The following PTH2R variants were observed in gnomAD, a reference collection of about 807,000 sequenced individuals.
PTH2R encodes parathyroid hormone 2 receptor.
A neutral mutation model predicts 60.3 loss-of-function variants in PTH2R; 59 were observed. The observed-to-expected ratio is 0.98, with a 90% CI of 0.79 to 1.22. The LOEUF (loss-of-function observed/expected upper bound fraction) is 1.22, where lower values mean the gene tolerates loss of function less well. Among genes scored for constraint, PTH2R ranks in the 50% most tolerant of loss-of-function variants. PTH2R has a pLI of 0.00. For missense variants in PTH2R, 749 were observed against 682.6 expected (o/e 1.10, Z -1.08); for synonymous variants, 256 against 243.8 (o/e 1.05, Z -0.47).
At chr2:208,419,682 T>C (rs1203103320) in intron 1 of PTH2R, among the ~76,000 whole-genome samples, 4 of 152,224 alleles carry the variant, frequency 2.6e-5, no homozygotes, top group Non-Finnish European at 5.9e-5. Flanking sequence ...CTTTAATCCA[T>C]CTTGAATTAA....
At chr2:208,443,254 G>A (rs958841922) in intron 5 of PTH2R, 94 bp from the exon 6 acceptor site, 2 of 1,087,910 alleles carry the variant, frequency 1.8e-6, no homozygotes, top group African/African-American at 1.6e-5. Context: ...TGCTGGAGGG[G>A]AGCAGGCTGG....
In PTH2R at chr2:208,419,088, A is replaced by T. The variant is rs1231390380; in HGVS notation, c.76-9113A>T. Among the ~76,000 whole-genome samples, 3 of 152,210 alleles carry T rather than the reference A, an allele frequency of 2.0e-5. No individual in the cohort carries two copies. The East Asian group carries it at 5.8e-4, about 29-fold the overall frequency. On this transcript the variant is annotated intron_variant, in intron 1 of 12. Transcript: ENST00000272847. ...ATTTCTAGTTCTAGATTCCTGAGCA[A>T]TCGCCATACCAACTTCCACAATGGT... is the stretch of plus-strand genomic sequence containing the variant.
chr2:208,416,231 T>A (rs1326635875), intron 1 of PTH2R, among the ~76,000 whole-genome samples: 1 of 152,156 alleles, frequency 6.6e-6, no homozygotes, highest in Non-Finnish European at 1.5e-5. Flanking sequence ...TAAGACGTGT[T>A]AAAAATGATG....
chr2:208,489,232 ACT>A, intron 11 of PTH2R, 82 bp downstream of exon 11: 2 of 1,548,434 alleles, frequency 1.3e-6, no homozygotes, highest in Middle Eastern at 1.7e-4. Context: ...TTTTCTCTGC[ACT>A]CTCTCTGGCT....
At chr2:208,447,161 G>T (rs1702302757) in intron 7 of PTH2R, among the ~76,000 whole-genome samples, 1 of 152,072 alleles carries the variant, frequency 6.6e-6, no homozygotes, top group Non-Finnish European at 1.5e-5. Flanking sequence ...TGTTAGAGAT[G>T]TGGTCTTATT....
intron 7 of PTH2R, among the ~76,000 whole-genome samples, chr2:208,449,759 TAAGA>T (rs1574883873): frequency 6.6e-6 from 1 of 152,134 alleles, no homozygotes; most frequent in East Asian, 1.9e-4. Context: ...ACTTTGTTGC[TAAGA>T]AAGAATATAA....
chr2:208,483,603 A>G (rs1703206806), intron 10 of PTH2R, among the ~76,000 whole-genome samples: 1 of 152,236 alleles, frequency 6.6e-6, no homozygotes, highest in Admixed American at 6.5e-5. Context: ...ATTGAAGAGA[A>G]TAATTTATCA....
chr2:208,392,693 C>T lies in PTH2R; in HGVS notation c.-259+32456C>T, dbSNP rs775526323. Among the ~76,000 whole-genome samples, 98 of 152,246 alleles carry T rather than the reference C, an allele frequency of 6.4e-4. 1 individual carries two copies. The highest frequency in any genetic ancestry group is 3.4e-3 in the Middle Eastern group (1 of 294). Reference sequence around the variant, plus strand: ...TATCAGGTTAGAGTTTTTCCTGAGACGCCTCTTACAGTCATACTAAAGGAA... The same window carrying T: ...TATCAGGTTAGAGTTTTTCCTGAGATGCCTCTTACAGTCATACTAAAGGAA... On this transcript the variant is annotated intron_variant, in intron 1 of 12. Transcript: ENST00000617735.
intron 1 of PTH2R, among the ~76,000 whole-genome samples, chr2:208,385,849 G>A (rs1700992067): frequency 6.6e-6 from 1 of 152,176 alleles, no homozygotes; most frequent in Non-Finnish European, 1.5e-5. Context: ...AAATTGTACT[G>A]GGTCAATTGA....
chr2:208,386,199 C>A (rs1243629611), intron 1 of PTH2R, among the ~76,000 whole-genome samples: 1 of 152,194 alleles, frequency 6.6e-6, no homozygotes, highest in African/African-American at 2.4e-5. Context: ...TTCTTGACAT[C>A]ATTTTAAGCT....
intron 2 of PTH2R, among the ~76,000 whole-genome samples, chr2:208,432,750 G>T (rs185306535): frequency 6.6e-5 from 10 of 152,268 alleles, no homozygotes; most frequent in African/African-American, 2.4e-4. Context: ...AGAGTCCAAA[G>T]GCCGAAGAAC....
Position 208,493,373 on chromosome 2 carries a change from C to T in PTH2R, c.1367C>T (p.Thr456Met), listed in dbSNP as rs367941913. The change falls in exon 13 of 13, where the codon ACG becomes ATG. Residue 456 changes from threonine (T) to methionine (M), a missense_variant. Transcript: ENST00000272847. ...RRCGSVLTTV[T>M]HSTSSQSQVA... ...TGCGGCTCAGTGCTCACCACCGTGA[C>T]GCACAGCACCAGCAGCCAGTCACAG... 192 of 1,607,812 alleles carry T rather than the reference C, an allele frequency of 1.2e-4. 1 individual carries two copies. The highest frequency in any genetic ancestry group is 4.1e-4 in the South Asian group (37 of 90,278).
chr2:208,477,925 GTAC>G (rs1559231836), intron 9 of PTH2R, among the ~76,000 whole-genome samples: 6 of 145,840 alleles, frequency 4.1e-5, no homozygotes, highest in African/African-American at 7.4e-5. Flanking sequence ...ACTACTACTA[GTAC>G]TAGCACTACT....
chr2:208,491,030 A>G (rs1202317949), intron 12 of PTH2R, among the ~76,000 whole-genome samples: 1 of 152,218 alleles, frequency 6.6e-6, no homozygotes, highest in African/African-American at 2.4e-5. Context: ...TTTCCCTGGG[A>G]CAAATTCATT....
intron 1 of PTH2R, among the ~76,000 whole-genome samples, chr2:208,364,203 A>T (rs1467995715): frequency 6.6e-6 from 1 of 152,184 alleles, no homozygotes; most frequent in Non-Finnish European, 1.5e-5. Context: ...TCCTTCAATG[A>T]ACAAAAGTTT....
At position 208,450,791 on chromosome 2, in the gene PTH2R, C is replaced by A. The variant is rs750810012; in HGVS notation, c.896C>A (p.Ala299Glu). 3.7e-6 allele frequency: 6 copies of A among 1,613,970 alleles called. No individual in the cohort carries two copies. In the South Asian group the frequency reaches 4.4e-5, roughly 12 times the overall value. ...AFVAAWAVAR[A>E]TLADARCWEL... ...GTTGCAGCATGGGCTGTGGCACGAG[C>A]AACTCTGGCTGATGCGAGGTGAGTG... Residue 299 changes from alanine to glutamate, a missense_variant, in exon 8 of 13, where the codon GCA becomes GAA. Transcript: ENST00000272847.
chr2:208,459,716 A>C (rs978779618), intron 8 of PTH2R, among the ~76,000 whole-genome samples, 179 bp from the exon 9 acceptor site: 3 of 152,184 alleles, frequency 2.0e-5, no homozygotes, highest in African/African-American at 7.2e-5. Context: ...TATGAAAATC[A>C]ATACCCGTTA....
At chr2:208,464,277 C>T (rs907962590) in intron 9 of PTH2R, among the ~76,000 whole-genome samples, 12 of 152,114 alleles carry the variant, frequency 7.9e-5, no homozygotes, top group Admixed American at 7.2e-4. Flanking sequence ...TATGTGAGGT[C>T]CTGTTATTAA....
intron 9 of PTH2R, 39 bp downstream of exon 9, chr2:208,460,000 A>G (rs754876990): frequency 6.5e-7 from 1 of 1,547,610 alleles, no homozygotes; most frequent in Non-Finnish European, 8.9e-7. Flanking sequence ...AAGGGATGAA[A>G]AATTAACCTG....
Sources: gnomAD v4.1 joint callset for allele counts (sites outside exome capture counted in the v4.1 genomes callset) on GRCh38, gnomAD v4.1.1 for gene constraint, MANE v1.5 for transcripts, NCBI Gene and HGNC (gene_info 2026-07-23, HGNC 2026-07-21) for gene names.